Variants in NFATC2 observed in about 807,000 individuals in gnomAD.
NFATC2 encodes nuclear factor of activated T cells 2.
NFATC2 carries 22 observed loss-of-function variants against 87.3 expected under a neutral mutation model. That is an observed-to-expected ratio of 0.25 (90% confidence interval 0.18 to 0.36). The LOEUF (loss-of-function observed/expected upper bound fraction) is 0.36. Ranked by LOEUF, NFATC2 falls within the 10% of genes least tolerant of loss-of-function variation. The pLI, the probability that NFATC2 is intolerant of heterozygous loss-of-function variation, is 1.00. For missense variants in NFATC2, 1,149 were observed against 1,259.1 expected (o/e 0.91, Z 1.32); for synonymous variants, 565 against 542.2 (o/e 1.04, Z -0.58).
In NFATC2 at chr20:51,475,404, G is replaced by GC. The variant is rs1988621703; in HGVS notation, c.1535+53dup. 3 of 1,573,466 alleles carry GC rather than the reference G, an allele frequency of 1.9e-6. No individual in the cohort carries two copies. The Admixed American group carries it at 5.0e-5, about 26-fold the overall frequency. On this transcript the variant is annotated intron_variant, in intron 4 of 10. Transcript: ENST00000371564. ...CCCCTCTCCCAAATCCCTGCCACCT[G>GC]CCCCCTGCTCGCTTCTCCATGAAGA...
chr20:51,432,947 C>T lies in NFATC2; in HGVS notation c.2033-191G>A, dbSNP rs1351416247. ...AATTGTCTTAGGTAGGAAATTTTACCCTGGCCATGAACATCTTGAATTATA... is the reference window on the plus strand; with the variant it reads ...AATTGTCTTAGGTAGGAAATTTTACTCTGGCCATGAACATCTTGAATTATA... On this transcript the variant is annotated intron_variant, in intron 8 of 10. Transcript: ENST00000371564. The surrounding 1 kb of genome is among the most constrained non-coding windows in gnomAD (Gnocchi z 4.6). 6.6e-6 allele frequency among the ~76,000 whole-genome samples: 1 copy of T among 152,100 alleles called. No homozygotes were observed. The highest frequency in any genetic ancestry group is 1.5e-5 in the Non-Finnish European group (1 of 68,032).
At chr20:51,391,542 T>A in intron 10 of NFATC2, 91 bp from the exon 11 acceptor site, 1 of 1,305,466 alleles carries the variant, frequency 7.7e-7, no homozygotes, top group Non-Finnish European at 1.1e-6. Flanking sequence ...CTAGAACCTC[T>A]ATTGGGCTAT....
At chr20:51,555,638 C>G (rs2076972073) in intron 1 of NFATC2, among the ~76,000 whole-genome samples, 1 of 151,966 alleles carries the variant, frequency 6.6e-6, no homozygotes, top group Non-Finnish European at 1.5e-5. Context: ...ACGATCTTGT[C>G]TCCATCATGC....
At chr20:51,486,895 A>AT (rs766201071) in intron 3 of NFATC2, among the ~76,000 whole-genome samples, 10 of 152,156 alleles carry the variant, frequency 6.6e-5, no homozygotes, top group African/African-American at 1.2e-4. Context: ...TACCAGGCCA[A>AT]TTACACTGAA....
At chr20:51,439,580 T>G (rs1477377047) in intron 6 of NFATC2, among the ~76,000 whole-genome samples, 3 of 152,178 alleles carry the variant, frequency 2.0e-5, no homozygotes, top group Non-Finnish European at 4.4e-5. Flanking sequence ...GCCTGGTAAG[T>G]GTGGGTCACA....
rs1004055186 is a variant in NFATC2, at chr20:51,432,467, C to T, written c.2322G>A (p.Pro774=). The T allele has an allele frequency of 1.0e-5, 16 of 1,558,086 alleles. No individual in the cohort carries two copies. Among genetic ancestry groups the T allele is most frequent in the Admixed American group, 1.9e-5 (1 of 53,864 alleles). The change falls in exon 9 of 11, where the codon CCG becomes CCA. Residue 774 remains proline, a synonymous_variant. Coordinates refer to ENST00000371564, the MANE Select transcript of NFATC2 (RefSeq NM_012340.5). The surrounding 1 kb of genome is among the most constrained non-coding windows in gnomAD (Gnocchi z 4.6). ...GYQQPALMAA[P]LSLADAHRSV... Reference sequence around the variant, plus strand: ...AGCGGTGAGCGTCCGCAAGGGACAGCGGGGCGGCCATGAGGGCCGGCTGCT... The same window carrying T: ...AGCGGTGAGCGTCCGCAAGGGACAGTGGGGCGGCCATGAGGGCCGGCTGCT...
chr20:51,496,480 C>A (rs2075990810), intron 3 of NFATC2, among the ~76,000 whole-genome samples: 1 of 151,686 alleles, frequency 6.6e-6, no homozygotes, highest in South Asian at 2.1e-4. Flanking sequence ...GCCCCAGATT[C>A]CCTGAGGCAA....
chr20:51,487,460 T>C lies in NFATC2; in HGVS notation c.1333-11800A>G, dbSNP rs143836591. On this transcript the variant is annotated intron_variant, in intron 3 of 10. Coordinates refer to ENST00000371564, the MANE Select transcript of NFATC2 (RefSeq NM_012340.5). Reference sequence around the variant, plus strand: ...CATGTTTACCTATGGAACAAACCTCTGCATCCGGCACATGTATCCCGGAAC... The same window carrying C: ...CATGTTTACCTATGGAACAAACCTCCGCATCCGGCACATGTATCCCGGAAC... Among the ~76,000 whole-genome samples the C allele has an allele frequency of 6.5e-3, 988 of 152,296 alleles. 6 individuals are homozygous for C. Among genetic ancestry groups the C allele is most frequent in the Middle Eastern group, 0.058 (17 of 294 alleles).
intron 6 of NFATC2, among the ~76,000 whole-genome samples, chr20:51,445,314 G>A (rs1036982226): frequency 6.6e-6 from 1 of 152,036 alleles, no homozygotes; most frequent in Non-Finnish European, 1.5e-5. Flanking sequence ...CTTGGCACTG[G>A]GCAGCTCCTT....
intron 9 of NFATC2, among the ~76,000 whole-genome samples, chr20:51,429,225 G>A (rs1410328960): frequency 6.6e-6 from 1 of 152,232 alleles, no homozygotes; most frequent in Non-Finnish European, 1.5e-5. Flanking sequence ...CCCACATCTT[G>A]GTGGCTACGG....
intron 5 of NFATC2, among the ~76,000 whole-genome samples, chr20:51,467,386 G>A (rs771385159): frequency 1.9e-4 from 28 of 151,026 alleles, no homozygotes; most frequent in Admixed American, 1.1e-3. Flanking sequence ...GTGAAACCCC[G>A]TCTCTACTAA....
chr20:51,543,376 TG>T (rs1190515035), upstream of NFATC2, among the ~76,000 whole-genome samples: 1 of 152,164 alleles, frequency 6.6e-6, no homozygotes, highest in African/African-American at 2.4e-5. Context: ...CATCTGCTTA[TG>T]GGGCCAGGAG....
At chr20:51,467,379 A>T (rs1216084630) in intron 5 of NFATC2, among the ~76,000 whole-genome samples, 1 of 151,886 alleles carries the variant, frequency 6.6e-6, no homozygotes, top group Non-Finnish European at 1.5e-5. Context: ...CAACATGGTG[A>T]AACCCCGTCT....
At chr20:51,517,546 T>A (rs1420973526) in intron 2 of NFATC2, among the ~76,000 whole-genome samples, 1 of 151,594 alleles carries the variant, frequency 6.6e-6, no homozygotes, top group African/African-American at 2.4e-5. Context: ...GAGCTGTGAT[T>A]GCACCACTGC....
intron 6 of NFATC2, chr20:51,452,846 G>A: frequency 6.5e-6 from 1 of 154,718 alleles, no homozygotes. Context: ...CCTTACCTTT[G>A]TGGGTAGGCA....
intron 9 of NFATC2, among the ~76,000 whole-genome samples, chr20:51,429,632 C>T (rs369398166): frequency 5.1e-4 from 77 of 152,362 alleles, no homozygotes; most frequent in African/African-American, 1.8e-3. Flanking sequence ...CTGGAGCGTG[C>T]GATGCGCTCT....
intron 6 of NFATC2, among the ~76,000 whole-genome samples, chr20:51,447,701 C>T (rs1480933089): frequency 2.0e-5 from 3 of 152,260 alleles, no homozygotes; most frequent in Non-Finnish European, 4.4e-5. Flanking sequence ...ACAGCCTGGA[C>T]TTCCCAGCGT....
At chr20:51,531,579 G>A (rs1158530532) in intron 1 of NFATC2, among the ~76,000 whole-genome samples, 4 of 152,256 alleles carry the variant, frequency 2.6e-5, no homozygotes, top group Admixed American at 6.5e-5. Context: ...AGGGTAGCAC[G>A]GGGTTAGGGG....
intron 5 of NFATC2, among the ~76,000 whole-genome samples, chr20:51,464,731 T>TC: frequency 6.6e-6 from 1 of 152,232 alleles, no homozygotes; most frequent in Non-Finnish European, 1.5e-5. Context: ...AGTTGGTCTC[T>TC]GATTTATAAT....
Sources: gnomAD v4.1 joint callset for allele counts (sites outside exome capture counted in the v4.1 genomes callset) on GRCh38, gnomAD v4.1.1 for gene constraint, Gnocchi (gnomAD v3.1) non-coding constraint, MANE v1.5 for transcripts, NCBI Gene and HGNC (gene_info 2026-07-23, HGNC 2026-07-21) for gene names.